Variants in LINGO2 observed in about 807,000 individuals in gnomAD.
LINGO2 encodes leucine rich repeat and Ig domain containing 2.
In LINGO2, 14 loss-of-function variants were observed where a neutral mutation model predicts 30.6. That is an observed-to-expected ratio of 0.46 (90% CI 0.30 to 0.72). LINGO2 has a LOEUF of 0.72. LINGO2 is among the 30% of genes least tolerant of loss of function. LINGO2 has a pLI of 0.07. For synonymous variants in LINGO2, 317 were observed against 288.5 expected, an observed-to-expected ratio of 1.10 and a Z score of -1.00; for missense variants, 729 against 751.7, an observed-to-expected ratio of 0.97 and a Z score of 0.35.
At chr9:28,770,872 G>A in the LINGO2 span, among the ~76,000 whole-genome samples, 1 of 152,150 alleles carries the variant, frequency 6.6e-6, no homozygotes, top group Non-Finnish European at 1.5e-5. Context: ...AAGAAGGACA[G>A]AATTTTGTCA....
At chr9:29,160,091 G>C in the LINGO2 span, among the ~76,000 whole-genome samples, 6,608 of 152,190 alleles carry the variant, frequency 0.043, 193 homozygotes, top group Middle Eastern at 0.078. Flanking sequence ...ATCACCTAAA[G>C]AGTTTATTCA....
chr9:28,272,227 C>A (rs772920741), intron 4 of LINGO2, among the ~76,000 whole-genome samples: 1 of 152,144 alleles, frequency 6.6e-6, no homozygotes, highest in Non-Finnish European at 1.5e-5. Flanking sequence ...CCAGAGGAAC[C>A]CTGACAACAG....
intron 1 of LINGO2, among the ~76,000 whole-genome samples, chr9:28,541,182 C>T (rs1031400253): frequency 9.2e-5 from 14 of 152,090 alleles, no homozygotes; most frequent in Admixed American, 7.9e-4. Context: ...CAACAGAAAA[C>T]CATTTCATTC....
At chr9:28,993,014 C>A in the LINGO2 span, among the ~76,000 whole-genome samples, 1 of 151,914 alleles carries the variant, frequency 6.6e-6, no homozygotes, top group Non-Finnish European at 1.5e-5. Flanking sequence ...TAACTAAAAT[C>A]AGAGCAGAAC....
chr9:28,859,089 T>G, the LINGO2 span, among the ~76,000 whole-genome samples: 1 of 152,090 alleles, frequency 6.6e-6, no homozygotes, highest in Non-Finnish European at 1.5e-5. Flanking sequence ...GTAAAGTACT[T>G]GGAAATAAGA....
chr9:28,768,447 G>A, the LINGO2 span, among the ~76,000 whole-genome samples: 1 of 151,994 alleles, frequency 6.6e-6, no homozygotes, highest in African/African-American at 2.4e-5. Flanking sequence ...CTGTTCCAGG[G>A]TTATCTTGTT....
At chr9:28,706,592 C>T in the LINGO2 span, among the ~76,000 whole-genome samples, 1 of 152,068 alleles carries the variant, frequency 6.6e-6, no homozygotes, top group Non-Finnish European at 1.5e-5. Flanking sequence ...CAAGATGACC[C>T]TTCTTGTCTT....
At chr9:28,281,457 TA>T (rs1052074796) in intron 4 of LINGO2, among the ~76,000 whole-genome samples, 1 of 118,674 alleles carries the variant, frequency 8.4e-6, no homozygotes, top group African/African-American at 3.1e-5. Flanking sequence ...TTTTATCAAT[TA>T]AAAAATTTAC....
the LINGO2 span, among the ~76,000 whole-genome samples, chr9:28,977,325 T>C: frequency 2.0e-5 from 3 of 151,980 alleles, no homozygotes; most frequent in Non-Finnish European, 4.4e-5. Context: ...ACAGGGTAAA[T>C]TTCTTATCTC....
intron 4 of LINGO2, among the ~76,000 whole-genome samples, chr9:28,111,702 G>T (rs1007195628): frequency 1.3e-5 from 2 of 152,080 alleles, no homozygotes; most frequent in African/African-American, 4.8e-5. Context: ...TAAATGTAAT[G>T]CAAAGGGCTT....
intron 4 of LINGO2, among the ~76,000 whole-genome samples, chr9:28,161,611 C>T (rs1158185058): frequency 1.3e-5 from 2 of 151,778 alleles, no homozygotes; most frequent in African/African-American, 4.8e-5. Flanking sequence ...TTCTCCATCT[C>T]GATGTATATT....
At chr9:28,464,545 C>T (rs764180107) in intron 2 of LINGO2, among the ~76,000 whole-genome samples, 4 of 152,186 alleles carry the variant, frequency 2.6e-5, no homozygotes, top group Admixed American at 1.3e-4. Flanking sequence ...CTTTGAAAGC[C>T]ATGTGTTTGT....
intron 4 of LINGO2, among the ~76,000 whole-genome samples, chr9:28,228,914 A>T (rs930149110): frequency 6.6e-6 from 1 of 151,788 alleles, no homozygotes; most frequent in Non-Finnish European, 1.5e-5. Flanking sequence ...ATCAAACTTG[A>T]TTAGCATAGA....
chr9:28,425,448 G>C (rs1172895323), intron 2 of LINGO2, among the ~76,000 whole-genome samples: 1 of 151,858 alleles, frequency 6.6e-6, no homozygotes, highest in African/African-American at 2.4e-5. Context: ...ATGTCTAAGA[G>C]AGGATAAATC....
chr9:28,307,574 C>G (rs188676266), intron 3 of LINGO2, among the ~76,000 whole-genome samples: 54 of 152,122 alleles, frequency 3.5e-4, no homozygotes, highest in Admixed American at 1.7e-3. Context: ...TGGAAGTTCT[C>G]GCCAGGGCAA....
At chr9:29,007,910 C>T in the LINGO2 span, among the ~76,000 whole-genome samples, 6 of 151,892 alleles carry the variant, frequency 4.0e-5, 1 homozygote, top group Middle Eastern at 6.8e-3. Flanking sequence ...TCTTGAAAGC[C>T]GTAATATTTG....
chr9:28,032,616 A>G (rs1017478009), intron 4 of LINGO2, among the ~76,000 whole-genome samples: 1 of 152,184 alleles, frequency 6.6e-6, no homozygotes, highest in Non-Finnish European at 1.5e-5. Context: ...CCTTTTACAG[A>G]TGAAAACACT....
intron 3 of LINGO2, among the ~76,000 whole-genome samples, chr9:28,358,706 G>T (rs1300007291): frequency 6.6e-6 from 1 of 152,162 alleles, no homozygotes; most frequent in Non-Finnish European, 1.5e-5. Flanking sequence ...GGTGGTGGCA[G>T]TGGTACCCAG....
chr9:28,594,123 G>A (rs1216198081), intron 1 of LINGO2, among the ~76,000 whole-genome samples: 1 of 151,948 alleles, frequency 6.6e-6, no homozygotes, highest in South Asian at 2.1e-4. Context: ...AATGGCGTTC[G>A]TGGGTGTTAT....
Sources: allele counts gnomAD v4.1 joint callset (sites outside exome capture counted in the v4.1 genomes callset), GRCh38; gene constraint gnomAD v4.1.1; transcripts MANE v1.5; gene names NCBI Gene and HGNC (gene_info 2026-07-23, HGNC 2026-07-21).